Variants in CNTNAP2 observed in about 807,000 individuals in gnomAD.
The protein encoded by CNTNAP2 is contactin associated protein 2.
A neutral mutation model predicts 155.2 loss-of-function variants in CNTNAP2; 98 were observed. That is an observed-to-expected ratio of 0.63 (90% CI 0.54 to 0.75). The LOEUF is 0.75. Among genes scored for constraint, CNTNAP2 ranks in the 30% least tolerant of loss-of-function variants. CNTNAP2 has a pLI of 0.00. For synonymous variants in CNTNAP2, 651 were observed against 631.2 expected, an observed-to-expected ratio of 1.03 and a Z score of -0.47; for missense variants, 1,727 against 1,688.1, an observed-to-expected ratio of 1.02 and a Z score of -0.40.
chr7:148,348,058 G>GT (rs929387959), intron 21 of CNTNAP2, among the ~76,000 whole-genome samples: 1 of 152,146 alleles, frequency 6.6e-6, no homozygotes, highest in Non-Finnish European at 1.5e-5. Flanking sequence ...CTGAAAGTTT[G>GT]TTTGTTTTTC....
intron 15 of CNTNAP2, among the ~76,000 whole-genome samples, chr7:148,011,944 C>T (rs1458082036): frequency 6.6e-6 from 1 of 152,234 alleles, no homozygotes; most frequent in Non-Finnish European, 1.5e-5. Context: ...ATTCCCACCA[C>T]AGGGGAGCCC....
chr7:147,232,712 C>T (rs1450715638), intron 8 of CNTNAP2, among the ~76,000 whole-genome samples: 2 of 152,162 alleles, frequency 1.3e-5, no homozygotes, highest in South Asian at 2.1e-4. Context: ...AATGAAATAT[C>T]TGAAACCATA....
At chr7:146,128,361 CATCTTTATACA>C (rs1351273079) in intron 1 of CNTNAP2, among the ~76,000 whole-genome samples, 6 of 152,122 alleles carry the variant, frequency 3.9e-5, no homozygotes, top group African/African-American at 1.4e-4. Context: ...TCACTGGTTC[CATCTTTATACA>C]GTTCTTACTT....
chr7:146,945,448 T>C (rs767954338), intron 3 of CNTNAP2, among the ~76,000 whole-genome samples: 4 of 152,116 alleles, frequency 2.6e-5, no homozygotes, highest in South Asian at 4.1e-4. Flanking sequence ...AGTCAAATCT[T>C]GAATCAAATC....
intron 13 of CNTNAP2, among the ~76,000 whole-genome samples, chr7:147,767,593 TG>T (rs1797402051): frequency 6.6e-6 from 1 of 152,086 alleles, no homozygotes; most frequent in South Asian, 2.1e-4. Context: ...TATAGGGCTG[TG>T]TTCTATGCTT....
chr7:146,408,292 T>TC (rs375552089), intron 1 of CNTNAP2, among the ~76,000 whole-genome samples: 4 of 152,254 alleles, frequency 2.6e-5, no homozygotes, highest in African/African-American at 9.6e-5. Context: ...ATAGGACTTT[T>TC]TTTCCTTGAG....
rs1231207161 is a variant in CNTNAP2 at position 148,166,679 on chromosome 7, A to G, written c.2774-5563A>G. ...TTTCACAAGAAAAAATGATTTACAAATTAAACCCACATCTCACCTTGGATA... is the reference window on the plus strand; with the variant it reads ...TTTCACAAGAAAAAATGATTTACAAGTTAAACCCACATCTCACCTTGGATA... On this transcript the variant is annotated intron_variant, in intron 17 of 23. Coordinates refer to ENST00000361727, the MANE Select transcript of CNTNAP2 (RefSeq NM_014141.6). Among the ~76,000 whole-genome samples, 5 of 152,232 alleles carry G rather than the reference A, an allele frequency of 3.3e-5. No homozygotes were observed. In the East Asian group the frequency reaches 9.6e-4, roughly 29 times the overall value.
intron 15 of CNTNAP2, among the ~76,000 whole-genome samples, chr7:148,072,538 TA>T (rs1803400241): frequency 6.6e-6 from 1 of 152,240 alleles, no homozygotes; most frequent in Admixed American, 6.5e-5. Flanking sequence ...TTTAACCTTT[TA>T]AAAAGACAAA....
chr7:146,327,170 G>A (rs1203970799), intron 1 of CNTNAP2, among the ~76,000 whole-genome samples: 1 of 152,082 alleles, frequency 6.6e-6, no homozygotes, highest in African/African-American at 2.4e-5. Context: ...AGAAAAAAAA[G>A]AAGATATTTA....
chr7:146,138,697 C>A (rs1797833330), intron 1 of CNTNAP2, among the ~76,000 whole-genome samples: 1 of 151,924 alleles, frequency 6.6e-6, no homozygotes, highest in South Asian at 2.1e-4. Context: ...TGTGTGTAGG[C>A]AGATTTTATT....
chr7:147,275,404 C>T (rs1804872943), intron 8 of CNTNAP2, among the ~76,000 whole-genome samples: 1 of 146,348 alleles, frequency 6.8e-6, no homozygotes, highest in South Asian at 2.1e-4. Flanking sequence ...AGATAGTGTG[C>T]TTGTGTATGT....
intron 22 of CNTNAP2, among the ~76,000 whole-genome samples, chr7:148,393,977 T>A (rs1799410928): frequency 6.6e-6 from 1 of 151,886 alleles, no homozygotes. Flanking sequence ...GTATTTTTAA[T>A]GTTTTCCTTG....
chr7:146,127,665 G>A, intron 1 of CNTNAP2, among the ~76,000 whole-genome samples: 1 of 152,174 alleles, frequency 6.6e-6, no homozygotes, highest in East Asian at 1.9e-4. Context: ...ACCCAAGCCT[G>A]ACTGTCCTTT....
intron 14 of CNTNAP2, among the ~76,000 whole-genome samples, chr7:147,934,047 AG>A (rs1477953827): frequency 6.6e-6 from 1 of 152,210 alleles, no homozygotes; most frequent in African/African-American, 2.4e-5. Flanking sequence ...GCTGGTTGCC[AG>A]GGGCTGGCAA....
In CNTNAP2 at chr7:147,809,181, C is replaced by T. The variant is rs140400282; in HGVS notation, c.2099-94384C>T. 1.3e-3 allele frequency among the ~76,000 whole-genome samples: 200 copies of T among 152,336 alleles called. 1 individual carries two copies. Among genetic ancestry groups the T allele is most frequent in the African/African-American group, 4.6e-3 (192 of 41,580 alleles). ...AGGTACAATGTGGCTGGAAAGCTCT[C>T]TAATACTGATCTGACATGGCATATT... On this transcript the variant is annotated intron_variant, in intron 13 of 23. Transcript: ENST00000361727.
At chr7:147,108,079 G>T in intron 4 of CNTNAP2, 68 bp from the exon 5 acceptor site, 1 of 1,362,634 alleles carries the variant, frequency 7.3e-7, no homozygotes. Context: ...ATTCTTTGCA[G>T]ACACCTGTTG....
chr7:147,950,385 AAAAAAAAAG>A (rs2116828943), intron 14 of CNTNAP2, among the ~76,000 whole-genome samples: 1 of 150,862 alleles, frequency 6.6e-6, no homozygotes, highest in African/African-American at 2.4e-5. Context: ...AAAAAAAAAA[AAAAAAAAAG>A]ACCTTACAGT....
rs140919163 is a variant in CNTNAP2, at chr7:146,531,098, C to T, written c.98-243173C>T. Among the ~76,000 whole-genome samples, 1,032 of 152,196 alleles carry T rather than the reference C, an allele frequency of 6.8e-3. 13 individuals carry two copies. The highest frequency in any genetic ancestry group is 0.021 in the African/African-American group (859 of 41,500). ...GGAGCAACAAGCTAGAGGCCATTGT[C>T]CTAAGCGAATTGACACAGGAACACA... On this transcript the variant is annotated intron_variant, in intron 1 of 23. Transcript: ENST00000361727.
Position 146,649,847 on chromosome 7 carries a change from A to G in CNTNAP2, c.98-124424A>G, listed in dbSNP as rs115976439. Among the ~76,000 whole-genome samples, 1,029 of 152,180 alleles carry G rather than the reference A, an allele frequency of 6.8e-3. 11 individuals carry two copies. Among genetic ancestry groups the G allele is most frequent in the African/African-American group, 0.024 (984 of 41,556 alleles). On this transcript the variant is annotated intron_variant, in intron 1 of 23. Transcript: ENST00000361727. ...AGTCTTAAACATCTTAAAGAGAAAT[A>G]TACAGAATCTGAAAAGACACTTCTC...
Sources: allele counts gnomAD v4.1 joint callset (sites outside exome capture counted in the v4.1 genomes callset), GRCh38; gene constraint gnomAD v4.1.1; transcripts MANE v1.5; gene names NCBI Gene and HGNC (gene_info 2026-07-23, HGNC 2026-07-21).